The following HNRNPC variants were observed in gnomAD, a reference collection of about 807,000 sequenced individuals.
The protein encoded by HNRNPC is heterogeneous nuclear ribonucleoproteins C1/C2.
A neutral mutation model predicts 33.2 loss-of-function variants in HNRNPC; 3 were observed. The ratio of observed to expected loss-of-function variants is 0.09; its 90% CI spans 0.04 to 0.23. The LOEUF is 0.23. HNRNPC is among the 10% of genes least tolerant of loss of function. HNRNPC has a pLI of 1.00. For missense variants in HNRNPC, 143 were observed against 366.7 expected (o/e 0.39, Z 4.98); for synonymous variants, 121 against 126.7 (o/e 0.96, Z 0.30).
chr14:21,230,633 T>C (rs1232693456), intron 4 of HNRNPC: 4 of 511,652 alleles, frequency 7.8e-6, no homozygotes, highest in African/African-American at 1.9e-5. Context: ...AAAAACAGAA[T>C]GGTAAACTAA....
intron 5 of HNRNPC, among the ~76,000 whole-genome samples, chr14:21,228,047 A>G (rs767360430): frequency 6.6e-5 from 10 of 152,252 alleles, no homozygotes; most frequent in Non-Finnish European, 1.5e-4. Context: ...GAAAGTCTGC[A>G]TAAGACCAGT....
At chr14:21,251,711 T>C (rs570578199) in intron 2 of HNRNPC, among the ~76,000 whole-genome samples, 1 of 152,072 alleles carries the variant, frequency 6.6e-6, no homozygotes, top group Non-Finnish European at 1.5e-5. Flanking sequence ...GGAAAAATAG[T>C]CTCAGATTTT....
chr14:21,254,671 C>G (rs949244613), intron 2 of HNRNPC: 4 of 152,006 alleles, frequency 2.6e-5, no homozygotes, highest in Admixed American at 2.6e-4. Flanking sequence ...TTTGGGAGGC[C>G]GAGATGGGCG....
At chr14:21,228,853 G>A (rs1893771990) in intron 5 of HNRNPC, among the ~76,000 whole-genome samples, 1 of 151,780 alleles carries the variant, frequency 6.6e-6, no homozygotes, top group African/African-American at 2.4e-5. Flanking sequence ...GGGAGGTCAA[G>A]GCGAGTAGAT....
chr14:21,247,386 C>T (rs1896100152), intron 2 of HNRNPC, among the ~76,000 whole-genome samples: 2 of 152,040 alleles, frequency 1.3e-5, no homozygotes, highest in Admixed American at 6.6e-5. Flanking sequence ...TCATCATTAC[C>T]GAATTTTCCT....
chr14:21,228,471 A>T (rs1008714048), intron 5 of HNRNPC, among the ~76,000 whole-genome samples: 6 of 152,026 alleles, frequency 3.9e-5, no homozygotes, highest in Admixed American at 6.6e-5. Flanking sequence ...AACTCACTGA[A>T]ACCTCCACCT....
intron 2 of HNRNPC, among the ~76,000 whole-genome samples, chr14:21,257,321 A>C (rs1485948141): frequency 6.6e-6 from 1 of 152,116 alleles, no homozygotes; most frequent in African/African-American, 2.4e-5. Flanking sequence ...ACCATGGGGC[A>C]CTCCAACAGA....
intron 3 of HNRNPC, among the ~76,000 whole-genome samples, chr14:21,232,461 C>T (rs1007452007): frequency 9.2e-5 from 14 of 152,210 alleles, no homozygotes; most frequent in African/African-American, 2.9e-4. Flanking sequence ...CCTCCACCTC[C>T]CGGGTTCAAG....
At chr14:21,232,094 C>A (rs910535047) in intron 3 of HNRNPC, among the ~76,000 whole-genome samples, 5 of 152,112 alleles carry the variant, frequency 3.3e-5, no homozygotes, top group Non-Finnish European at 5.9e-5. Context: ...CAAAGGGAAA[C>A]AACCCTGGTT....
chr14:21,234,282 T>C (rs1894424221), intron 2 of HNRNPC, 53 bp from the exon 3 acceptor site: 2 of 1,486,264 alleles, frequency 1.3e-6, no homozygotes, highest in Admixed American at 2.0e-5. Flanking sequence ...ACAATATTCC[T>C]TGATAAAACA....
chr14:21,256,795 G>C (rs1877296004), intron 2 of HNRNPC, among the ~76,000 whole-genome samples: 1 of 152,018 alleles, frequency 6.6e-6, no homozygotes, highest in African/African-American at 2.4e-5. Flanking sequence ...TGGGACTACA[G>C]ACACTTGCCA....
At chr14:21,241,691 C>T (rs1895362607) in intron 2 of HNRNPC, among the ~76,000 whole-genome samples, 1 of 152,142 alleles carries the variant, frequency 6.6e-6, no homozygotes, top group South Asian at 2.1e-4. Flanking sequence ...CAACTACTTC[C>T]CTCTGGCCTC....
chr14:21,219,708 TTC>T (rs1272458249), intron 5 of HNRNPC, among the ~76,000 whole-genome samples: 1 of 150,858 alleles, frequency 6.6e-6, no homozygotes, highest in African/African-American at 2.4e-5. Flanking sequence ...AGAATCTCTC[TTC>T]TGTTTCCAAT....
At position 21,209,426 on chromosome 14, in the gene HNRNPC, T is replaced by A. The variant is rs1008435088; in HGVS notation, c.*1797A>T. On this transcript the variant is annotated 3_prime_UTR_variant, in exon 9 of 9. Coordinates refer to ENST00000553300, the MANE Select transcript of HNRNPC (RefSeq NM_004500.4). ...TATTAGCATCTTATACATCTGACAC[T>A]CTCTCCTAAGCATCCAGTTTATTTT... 6.6e-6 allele frequency: 1 copy of A among 152,180 alleles called. No individual in the cohort carries two copies. Among genetic ancestry groups the A allele is most frequent in the South Asian group, 2.1e-4 (1 of 4,828 alleles). 9.4% of individuals were successfully genotyped at this position (152,180 alleles called of 1,614,324 possible). A position where few individuals can be genotyped will look rare whatever the true frequency, so the allele number is the denominator to read the frequency against.
intron 2 of HNRNPC, among the ~76,000 whole-genome samples, chr14:21,235,955 T>C (rs1432238883): frequency 2.0e-5 from 3 of 152,128 alleles, no homozygotes; most frequent in African/African-American, 7.2e-5. Context: ...CAAATGGACA[T>C]TTGCAGAAAA....
chr14:21,217,851 G>A (rs920316738), intron 5 of HNRNPC, among the ~76,000 whole-genome samples: 1 of 152,162 alleles, frequency 6.6e-6, no homozygotes, highest in Admixed American at 6.5e-5. Flanking sequence ...AAAAAGTGGT[G>A]TGTCTTGATG....
chr14:21,212,587 G>C (rs969209857), intron 6 of HNRNPC, among the ~76,000 whole-genome samples: 4 of 151,478 alleles, frequency 2.6e-5, no homozygotes, highest in Non-Finnish European at 4.4e-5. Context: ...TCGTCACCCA[G>C]GCTGGAGTGC....
intron 2 of HNRNPC, among the ~76,000 whole-genome samples, chr14:21,239,765 T>G (rs1385504740): frequency 6.6e-6 from 1 of 151,824 alleles, no homozygotes; most frequent in Non-Finnish European, 1.5e-5. Flanking sequence ...TCCCAGCTAC[T>G]TGGGAGGATG....
At chr14:21,256,293 A>T (rs1430882680) in intron 2 of HNRNPC, among the ~76,000 whole-genome samples, 1 of 152,016 alleles carries the variant, frequency 6.6e-6, no homozygotes, top group East Asian at 1.9e-4. Context: ...TAAAAATAAA[A>T]AACAAATTAG....
Sources: gnomAD v4.1 joint callset for allele counts (sites outside exome capture counted in the v4.1 genomes callset) on GRCh38, gnomAD v4.1.1 for gene constraint, MANE v1.5 for transcripts, NCBI Gene and HGNC (gene_info 2026-07-23, HGNC 2026-07-21) for gene names.